Variants in VPS13B observed in about 807,000 individuals in gnomAD.
The protein encoded by VPS13B is intermembrane lipid transfer protein VPS13B.
In VPS13B, 285 loss-of-function variants were observed where a neutral mutation model predicts 426.4. The ratio of observed to expected loss-of-function variants is 0.67; its 90% CI spans 0.61 to 0.74. The LOEUF is 0.74. Ranked by LOEUF, VPS13B falls within the 30% of genes least tolerant of loss-of-function variation. The pLI, the probability that VPS13B is intolerant of heterozygous loss-of-function variation, is 0.00. For missense variants in VPS13B, 4,537 were observed against 4,782.6 expected (o/e 0.95, Z 1.51); for synonymous variants, 1,676 against 1,676.4 (o/e 1.00, Z 0.01).
intron 22 of VPS13B, among the ~76,000 whole-genome samples, chr8:99,437,446 G>C (rs1050453741): frequency 6.6e-6 from 1 of 151,184 alleles, no homozygotes; most frequent in Admixed American, 6.6e-5. Context: ...GGCCAGGCAC[G>C]GTGGCTCACA....
At position 99,640,235 on chromosome 8, in the gene VPS13B, C is replaced by T. The variant is rs560913807; in HGVS notation, c.5221-1576C>T. On this transcript the variant is annotated intron_variant, in intron 33 of 61. Transcript: ENST00000357162. ...AATATTCAGTAACTTTAAACTTTTT[C>T]GTACCATTTGCCTAATAATTCCACT... Among the ~76,000 whole-genome samples, 8 of 151,834 alleles carry T rather than the reference C, an allele frequency of 5.3e-5. No homozygotes were observed. The East Asian group carries it at 9.7e-4, about 18-fold the overall frequency.
At chr8:99,562,864 CA>C (rs1276587361) in intron 31 of VPS13B, among the ~76,000 whole-genome samples, 1 of 152,042 alleles carries the variant, frequency 6.6e-6, no homozygotes, top group African/African-American at 2.4e-5. Context: ...TGTGTGTGGT[CA>C]AAAATTAACA....
intron 33 of VPS13B, among the ~76,000 whole-genome samples, chr8:99,612,354 A>C (rs548348515): frequency 6.6e-6 from 1 of 152,310 alleles, no homozygotes; most frequent in East Asian, 1.9e-4. Context: ...CTTGGTACAC[A>C]AAAGTACTCA....
At chr8:99,605,397 G>C (rs966968067) in intron 33 of VPS13B, among the ~76,000 whole-genome samples, 2 of 151,848 alleles carry the variant, frequency 1.3e-5, no homozygotes, top group Non-Finnish European at 2.9e-5. Flanking sequence ...TGTGAAATTT[G>C]AGCCATTTGG....
At chr8:99,538,132 T>C (rs1823358303) in intron 30 of VPS13B, among the ~76,000 whole-genome samples, 1 of 152,142 alleles carries the variant, frequency 6.6e-6, no homozygotes, top group Non-Finnish European at 1.5e-5. Flanking sequence ...GTATATAAAG[T>C]TCAAGATGGA....
At position 99,824,927 on chromosome 8, in the gene VPS13B, A is replaced by AT. The variant is rs368245000; in HGVS notation, c.9330+950dup. Among the ~76,000 whole-genome samples the AT allele has an allele frequency of 4.8e-4, 73 of 152,320 alleles. 1 individual carries two copies. The highest frequency in any genetic ancestry group is 1.6e-3 in the African/African-American group (67 of 41,572). On this transcript the variant is annotated intron_variant, in intron 51 of 61. Coordinates refer to ENST00000357162, the MANE Select transcript of VPS13B (RefSeq NM_152564.5). Reference sequence around the variant, plus strand: ...TGAACTCATTCTTTTTTATTTCTGCATAGTGTTCTATGCTGTATATGTGCC... The same window carrying AT: ...TGAACTCATTCTTTTTTATTTCTGCATTAGTGTTCTATGCTGTATATGTGCC...
intron 16 of VPS13B, among the ~76,000 whole-genome samples, chr8:99,181,318 A>G (rs1236374695): frequency 6.6e-6 from 1 of 152,188 alleles, no homozygotes; most frequent in East Asian, 1.9e-4. Flanking sequence ...TCTGAACAAA[A>G]AATATGCTTG....
At chr8:99,270,756 G>A (rs1281259084) in intron 17 of VPS13B, among the ~76,000 whole-genome samples, 1 of 152,048 alleles carries the variant, frequency 6.6e-6, no homozygotes, top group Non-Finnish European at 1.5e-5. Context: ...GAAAAAATTG[G>A]TATTGAATGA....
At chr8:99,872,284 G>A (rs1817462536) in intron 61 of VPS13B, among the ~76,000 whole-genome samples, 1 of 152,104 alleles carries the variant, frequency 6.6e-6, no homozygotes, top group African/African-American at 2.4e-5. Flanking sequence ...AGACTTCAAG[G>A]GTCAACATTT....
Position 99,582,741 on chromosome 8 carries a change from C to T in VPS13B, c.5220+5108C>T, listed in dbSNP as rs574166264. Reference sequence around the variant, plus strand: ...CGCAATCTCGGCTCACTGCAAGCTCCGCCTCCTGTGTTCACGCCATTCTCC... The same window carrying T: ...CGCAATCTCGGCTCACTGCAAGCTCTGCCTCCTGTGTTCACGCCATTCTCC... On this transcript the variant is annotated intron_variant, in intron 33 of 61. Transcript: ENST00000357162. Among the ~76,000 whole-genome samples, 9 of 152,190 alleles carry T rather than the reference C, an allele frequency of 5.9e-5. No homozygotes were observed. The South Asian group carries it at 8.3e-4, about 14-fold the overall frequency.
chr8:99,134,472 A>T (rs1359568180), intron 8 of VPS13B, among the ~76,000 whole-genome samples, 160 bp from the exon 9 acceptor site: 2 of 152,150 alleles, frequency 1.3e-5, no homozygotes, highest in African/African-American at 4.8e-5. Context: ...TACCATGGAT[A>T]ATCTGTTACA....
intron 3 of VPS13B, among the ~76,000 whole-genome samples, chr8:99,091,472 G>T (rs1157258179): frequency 6.6e-6 from 1 of 151,992 alleles, no homozygotes; most frequent in Non-Finnish European, 1.5e-5. Flanking sequence ...CCTCCCTTGT[G>T]GACTAAAGTT....
At chr8:99,033,226 A>G (rs1450784605) in intron 2 of VPS13B, among the ~76,000 whole-genome samples, 2 of 152,204 alleles carry the variant, frequency 1.3e-5, no homozygotes, top group African/African-American at 4.8e-5. Flanking sequence ...GGAATCAATT[A>G]TCTTATTCTT....
intron 25 of VPS13B, among the ~76,000 whole-genome samples, chr8:99,493,424 C>T (rs992794479): frequency 6.6e-6 from 1 of 152,038 alleles, no homozygotes; most frequent in African/African-American, 2.4e-5. Flanking sequence ...AGGTACTTGG[C>T]TATAACACAT....
rs1817210147 is a variant in VPS13B, at chr8:99,868,376, G to A, written c.11303G>A (p.Gly3768Asp). Residue 3768 changes from glycine to aspartate, a missense_variant, in exon 59 of 62, where the codon GGT (glycine) becomes GAT (aspartate). By Grantham distance (94) the Gly-to-Asp change is moderately conservative. Coordinates refer to ENST00000357162, the MANE Select transcript of VPS13B (RefSeq NM_152564.5). The part of the protein sequence containing the change: ...AQASAGHKAK[G>D]VISGVGKGIM... The stretch of plus-strand genomic sequence containing the variant: ...GCTTCAGCAGGACACAAGGCCAAGG[G>A]TGTCATCTCGGGTGTGGGGAAAGGA... 6.2e-7 allele frequency: 1 copy of A among 1,614,056 alleles called. No individual in the cohort carries two copies.
intron 58 of VPS13B, among the ~76,000 whole-genome samples, chr8:99,864,942 A>G (rs1334444338): frequency 6.6e-6 from 1 of 152,092 alleles, no homozygotes; most frequent in African/African-American, 2.4e-5. Flanking sequence ...ATTTCCCCCA[A>G]ATGTTTACGG....
At chr8:99,856,328 TGAAA>T (rs1245047690) in intron 56 of VPS13B, among the ~76,000 whole-genome samples, 1 of 152,214 alleles carries the variant, frequency 6.6e-6, no homozygotes, top group Non-Finnish European at 1.5e-5. Flanking sequence ...GAAGACCATC[TGAAA>T]GAAAGCAGTG....
chr8:99,357,975 G>C (rs1048507243), intron 19 of VPS13B, among the ~76,000 whole-genome samples: 3 of 150,872 alleles, frequency 2.0e-5, no homozygotes, highest in Non-Finnish European at 4.4e-5. Flanking sequence ...TGGTAAAATG[G>C]GGATGGTTTA....
At chr8:99,853,118 A>T (rs1162189617) in intron 55 of VPS13B, among the ~76,000 whole-genome samples, 2 of 152,118 alleles carry the variant, frequency 1.3e-5, no homozygotes, top group Non-Finnish European at 2.9e-5. Context: ...CAGTTACTTT[A>T]TTATCTCTTT....
Sources: gnomAD v4.1 joint callset for allele counts (sites outside exome capture counted in the v4.1 genomes callset) on GRCh38, gnomAD v4.1.1 for gene constraint, MANE v1.5 for transcripts, NCBI Gene and HGNC (gene_info 2026-07-23, HGNC 2026-07-21) for gene names.